Variants in RORA observed in about 807,000 individuals in gnomAD.
The protein encoded by RORA is RAR related orphan receptor A.
Under a neutral mutation model 69.5 loss-of-function variants are expected in RORA, and 7 were observed. That is an observed-to-expected ratio of 0.10 (90% CI 0.06 to 0.19). The LOEUF (loss-of-function observed/expected upper bound fraction) is 0.19. RORA is among the 10% of genes least tolerant of loss of function. RORA has a pLI of 1.00. For synonymous variants in RORA, 261 were observed against 240.8 expected, an observed-to-expected ratio of 1.08 and a Z score of -0.78; for missense variants, 457 against 663.0, an observed-to-expected ratio of 0.69 and a Z score of 3.41.
At position 61,105,580 on chromosome 15, in the gene RORA, T is replaced by C. The variant is rs566400814; in HGVS notation, c.166+123473A>G. Among the ~76,000 whole-genome samples, 11 of 152,286 alleles carry C rather than the reference T, an allele frequency of 7.2e-5. No homozygotes were observed. In the South Asian group the frequency reaches 2.1e-3, roughly 29 times the overall value. ...TCATTGGTTGACTGTGCCTCAACGATTGCCCCTCATCTAAAATAGCTTCTT... is the reference window on the plus strand; with the variant it reads ...TCATTGGTTGACTGTGCCTCAACGACTGCCCCTCATCTAAAATAGCTTCTT... On this transcript the variant is annotated intron_variant, in intron 1 of 10. Transcript: ENST00000335670.
chr15:61,132,107 A>C (rs1463744868), intron 1 of RORA, among the ~76,000 whole-genome samples: 1 of 152,206 alleles, frequency 6.6e-6, no homozygotes, highest in Non-Finnish European at 1.5e-5. Flanking sequence ...TTGCTCACTA[A>C]TCTATCTATT....
intron 2 of RORA, among the ~76,000 whole-genome samples, chr15:60,649,922 C>T (rs2070114637): frequency 6.6e-6 from 1 of 152,182 alleles, no homozygotes; most frequent in South Asian, 2.1e-4. Flanking sequence ...GACACCCTCC[C>T]TCTGCCGTGG....
intron 1 of RORA, among the ~76,000 whole-genome samples, chr15:61,146,362 C>T (rs1283418446): frequency 6.6e-6 from 1 of 152,050 alleles, no homozygotes; most frequent in Non-Finnish European, 1.5e-5. Flanking sequence ...AAGTGCCCCC[C>T]ACCAAAGAAA....
chr15:60,933,275 A>G (rs1363590847), intron 1 of RORA, among the ~76,000 whole-genome samples: 1 of 152,180 alleles, frequency 6.6e-6, no homozygotes, highest in Non-Finnish European at 1.5e-5. Flanking sequence ...CTATCTTTTA[A>G]GCCTCAGCTT....
chr15:61,164,648 CT>C (rs375653481), intron 1 of RORA, among the ~76,000 whole-genome samples: 4 of 151,592 alleles, frequency 2.6e-5, no homozygotes, highest in African/African-American at 9.7e-5. Context: ...CTAGTTACAT[CT>C]TTTTTTTTCT....
At chr15:60,933,880 G>A (rs72752776) in intron 1 of RORA, among the ~76,000 whole-genome samples, 32,512 of 152,212 alleles carry the variant, frequency 0.21, 4,444 homozygotes, top group Non-Finnish European at 0.3. Flanking sequence ...GTCTTTGGGT[G>A]TGTGCACACA....
chr15:61,136,311 ATGT>A, intron 1 of RORA, among the ~76,000 whole-genome samples: 1 of 152,034 alleles, frequency 6.6e-6, no homozygotes. Context: ...TTAAACAGTT[ATGT>A]GATGCTGACA....
chr15:61,092,885 C>G (rs891823121), intron 1 of RORA, among the ~76,000 whole-genome samples: 4 of 152,150 alleles, frequency 2.6e-5, no homozygotes, highest in African/African-American at 9.7e-5. Flanking sequence ...GATTTAGGGG[C>G]TCTCCACAGT....
In RORA at chr15:61,226,709, G is replaced by A. The variant is rs1345500665; in HGVS notation, c.166+2344C>T. Among the ~76,000 whole-genome samples the A allele has an allele frequency of 6.6e-6, 1 of 152,234 alleles. No individual in the cohort carries two copies. The highest frequency in any genetic ancestry group is 1.5e-5 in the Non-Finnish European group (1 of 68,034). ...GGAAGCTATTACTACTGCTGTGTTA[G>A]CTAAAGGATGCCTCCATCTCTGACC... On this transcript the variant is annotated intron_variant, in intron 1 of 10. Coordinates refer to ENST00000335670, the MANE Select transcript of RORA (RefSeq NM_134261.3). This position sits in a 1 kb window ranked among gnomAD's most constrained non-coding sequence, Gnocchi z 4.2.
chr15:60,672,516 C>G (rs1008981683), intron 2 of RORA, among the ~76,000 whole-genome samples: 5 of 152,112 alleles, frequency 3.3e-5, no homozygotes, highest in Admixed American at 6.5e-5. Flanking sequence ...TAGAGAAGTG[C>G]CTAGCACTCA....
chr15:60,653,901 T>G (rs1008685277), intron 2 of RORA, among the ~76,000 whole-genome samples: 2 of 152,196 alleles, frequency 1.3e-5, no homozygotes, highest in Non-Finnish European at 2.9e-5. Flanking sequence ...TAGGGTATCA[T>G]GTTTTTCATC....
chr15:60,615,805 G>C (rs1165953648), intron 2 of RORA, among the ~76,000 whole-genome samples: 1 of 152,186 alleles, frequency 6.6e-6, no homozygotes, highest in Non-Finnish European at 1.5e-5. Flanking sequence ...GACTGACGAG[G>C]CCCTGCTGCC....
rs193098877 is a variant in RORA, at chr15:60,617,574, T to C, written c.196+61083A>G. ...TGCGTGTTACAGATTCATAGCACAGTGGATGATGAGCTATATTAATCAGGA... is the reference window on the plus strand; with the variant it reads ...TGCGTGTTACAGATTCATAGCACAGCGGATGATGAGCTATATTAATCAGGA... On this transcript the variant is annotated intron_variant, in intron 2 of 10. Transcript: ENST00000335670. 5.7e-3 allele frequency among the ~76,000 whole-genome samples: 864 copies of C among 150,300 alleles called. 6 individuals carry two copies. Among genetic ancestry groups the C allele is most frequent in the Middle Eastern group, 0.014 (4 of 292 alleles).
At chr15:61,124,034 C>T (rs1454606654) in intron 1 of RORA, among the ~76,000 whole-genome samples, 1 of 152,208 alleles carries the variant, frequency 6.6e-6, no homozygotes, top group Non-Finnish European at 1.5e-5. Flanking sequence ...CGAACAGCCA[C>T]TGGAGGCCTG....
intron 2 of RORA, among the ~76,000 whole-genome samples, chr15:60,638,359 T>C (rs1250990347): frequency 1.3e-5 from 2 of 151,726 alleles, no homozygotes; most frequent in African/African-American, 2.4e-5. Context: ...ATTTTTTTCT[T>C]GTCCTTATTT....
At chr15:60,615,030 G>T (rs2069196468) in intron 2 of RORA, 1 of 1,611,908 alleles carries the variant, frequency 6.2e-7, no homozygotes, top group Admixed American at 1.7e-5. Flanking sequence ...TTGAAGAGCT[G>T]TCAGGGAAAA....
At chr15:60,558,332 C>CA (rs755678585) in intron 2 of RORA, 32 of 1,520,914 alleles carry the variant, frequency 2.1e-5, no homozygotes, top group Non-Finnish European at 2.7e-5. Context: ...TAGCCTATCT[C>CA]AAAAAAGCTA....
chr15:60,654,042 G>A (rs760041558), intron 2 of RORA, among the ~76,000 whole-genome samples: 5 of 152,134 alleles, frequency 3.3e-5, no homozygotes, highest in African/African-American at 7.2e-5. Flanking sequence ...TTCTTCTCCC[G>A]TGAAGGCCGC....
Position 60,577,265 on chromosome 15 carries a change from C to T in RORA, c.197-45414G>A, listed in dbSNP as rs572475948. Among the ~76,000 whole-genome samples, 7 of 152,320 alleles carry T rather than the reference C, an allele frequency of 4.6e-5. No homozygotes were observed. The South Asian group carries it at 1.2e-3, about 27-fold the overall frequency. ...TATTGTTACCTTGTGCTTTGTCATA[C>T]AATTTTCAGACTATGTCTCCTACAG... On this transcript the variant is annotated intron_variant, in intron 2 of 10. Transcript: ENST00000335670.
Sources: gnomAD v4.1 joint callset for allele counts (sites outside exome capture counted in the v4.1 genomes callset) on GRCh38, gnomAD v4.1.1 for gene constraint, Gnocchi (gnomAD v3.1) non-coding constraint, MANE v1.5 for transcripts, NCBI Gene and HGNC (gene_info 2026-07-23, HGNC 2026-07-21) for gene names.